CLASP2: variants seen among roughly 807,000 people sequenced by gnomAD.
CLASP2 encodes cytoplasmic linker associated protein 2.
A neutral mutation model predicts 194.4 loss-of-function variants in CLASP2; 47 were observed. The observed-to-expected ratio is 0.24, with a 90% CI of 0.19 to 0.31. CLASP2 has a LOEUF of 0.31. Among genes scored for constraint, CLASP2 ranks in the 10% least tolerant of loss-of-function variants. CLASP2 has a pLI of 1.00. For synonymous variants in CLASP2, 619 were observed against 633.5 expected, an observed-to-expected ratio of 0.98 and a Z score of 0.34; for missense variants, 1,445 against 1,823.6, an observed-to-expected ratio of 0.79 and a Z score of 3.78.
At chr3:33,600,834 A>C (rs1238736592) in intron 18 of CLASP2, among the ~76,000 whole-genome samples, 3 of 152,094 alleles carry the variant, frequency 2.0e-5, no homozygotes, top group African/African-American at 7.2e-5. Context: ...AAACATAATT[A>C]TGTAAACATT....
intron 34 of CLASP2, among the ~76,000 whole-genome samples, chr3:33,528,621 G>C (rs903546186): frequency 1.3e-5 from 2 of 152,110 alleles, no homozygotes; most frequent in African/African-American, 2.4e-5. Flanking sequence ...AATCAGCCTG[G>C]AGTGGTGGTG....
intron 7 of CLASP2, among the ~76,000 whole-genome samples, chr3:33,656,395 C>T (rs1056042240): frequency 2.6e-5 from 4 of 152,126 alleles, no homozygotes; most frequent in African/African-American, 9.7e-5. Flanking sequence ...TAACCAAACA[C>T]ATGAAGGTGA....
chr3:33,689,453 T>C (rs2091092022), intron 3 of CLASP2, among the ~76,000 whole-genome samples: 1 of 152,102 alleles, frequency 6.6e-6, no homozygotes, highest in Admixed American at 6.5e-5. Flanking sequence ...GAAAAAATTT[T>C]CTTCTGCTCT....
At position 33,498,704 on chromosome 3, in the gene CLASP2, T is replaced by C; in HGVS notation, c.4448A>G (p.Asn1483Ser). Residue 1483 changes from asparagine (N) to serine (S), a missense_variant, in exon 39 of 39, where the codon AAT becomes AGT. Physicochemically the swap from Asn to Ser is conservative, Grantham distance 46. Transcript: ENST00000682230. Reference sequence around the variant, plus strand: ...TGTTTGTGCACGTTTGATGTAAAGATTCAGTAGCTTCATCTGCAGATTCAA... The same window carrying C: ...TGTTTGTGCACGTTTGATGTAAAGACTCAGTAGCTTCATCTGCAGATTCAA... ...QLTGSKMKLL[N>S]LYIKRAQTGS... 1 of 1,612,440 alleles carries C rather than the reference T, an allele frequency of 6.2e-7. No individual in the cohort carries two copies. The highest frequency in any genetic ancestry group is 8.5e-7 in the Non-Finnish European group (1 of 1,178,714).
intron 34 of CLASP2, among the ~76,000 whole-genome samples, chr3:33,532,639 T>A (rs754563862): frequency 1.3e-5 from 2 of 152,192 alleles, no homozygotes; most frequent in East Asian, 3.8e-4. Context: ...CCAATGATAA[T>A]TTCCTGATTT....
intron 24 of CLASP2, among the ~76,000 whole-genome samples, chr3:33,573,808 T>C (rs1405918324): frequency 6.6e-6 from 1 of 152,184 alleles, no homozygotes; most frequent in Non-Finnish European, 1.5e-5. Flanking sequence ...TCTGTCTATC[T>C]TTTCTTTATT....
chr3:33,541,021 C>A (rs2058263672), intron 32 of CLASP2, among the ~76,000 whole-genome samples: 1 of 152,130 alleles, frequency 6.6e-6, no homozygotes, highest in Non-Finnish European at 1.5e-5. Context: ...GATCTGCCCA[C>A]CTCTGCCTCC....
At chr3:33,700,547 TA>T in intron 1 of CLASP2, among the ~76,000 whole-genome samples, 1 of 152,000 alleles carries the variant, frequency 6.6e-6, no homozygotes, top group African/African-American at 2.4e-5. Flanking sequence ...AAGGTCACTA[TA>T]AAAAAATCAA....
In CLASP2 at chr3:33,718,193, GCGCCCCCCGATCCCCAGCC is replaced by G. The variant is rs1467103100; in HGVS notation, c.-210_-192del. ...GCCGCCCCCAAACTAGTCAAACTCG[GCGCCCCCCGATCCCCAGCC>G]CGCTTCAGAGGCCGCGGCCGCGGGC... is the stretch of plus-strand genomic sequence containing the variant. On this transcript the variant is annotated 5_prime_UTR_variant, in exon 1 of 39. Coordinates refer to ENST00000682230, the MANE Select transcript of CLASP2 (RefSeq NM_001365631.1). 3 of 401,886 alleles carry G rather than the reference GCGCCCCCCGATCCCCAGCC, an allele frequency of 7.5e-6. No homozygotes were observed. The highest frequency in any genetic ancestry group is 8.7e-6 in the Non-Finnish European group (2 of 230,838). The allele number at this position is 401,886 out of a possible 1,614,324, so 24.9% of individuals were successfully genotyped here. A position where few individuals can be genotyped will look rare whatever the true frequency, so the allele number is the denominator to read the frequency against.
At chr3:33,512,016 A>G (rs1575679413) in intron 36 of CLASP2, among the ~76,000 whole-genome samples, 1 of 24,178 alleles carries the variant, frequency 4.1e-5, no homozygotes, top group East Asian at 1.1e-3. Flanking sequence ...TCAGGGATCT[A>G]GAACTAGAAA....
chr3:33,602,971 T>A lies in CLASP2; in HGVS notation c.1905A>T (p.Ala635=). The change falls in exon 18 of 39, where the codon GCA becomes GCT. Residue 635 remains alanine (A), a synonymous_variant. Coordinates refer to ENST00000682230, the MANE Select transcript of CLASP2 (RefSeq NM_001365631.1). ...TCTTACCTAGTGACGCATAGGAACC[T>A]GCATTCAGGGCACCTGCACCTAAGC... The part of the protein sequence containing the change: ...SGRLGAGALN[A]GSYASLEDTS... 1 of 1,610,588 alleles carries A rather than the reference T, an allele frequency of 6.2e-7. No individual in the cohort carries two copies. The highest frequency in any genetic ancestry group is 8.5e-7 in the Non-Finnish European group (1 of 1,178,316).
intron 7 of CLASP2, among the ~76,000 whole-genome samples, chr3:33,656,271 G>A (rs1312459484): frequency 6.6e-6 from 1 of 152,088 alleles, no homozygotes; most frequent in East Asian, 1.9e-4. Context: ...ATAGATAATA[G>A]ATTAATAACT....
At chr3:33,516,867 C>A (rs1357542) in intron 35 of CLASP2, 114 bp downstream of exon 35, 380,580 of 898,710 alleles carry the variant, frequency 0.42, 82,021 homozygotes, top group Admixed American at 0.59. Flanking sequence ...ATGCAGAAAG[C>A]AGCAGCAGAA....
chr3:33,709,254 T>G (rs1052417498), intron 1 of CLASP2, among the ~76,000 whole-genome samples: 2 of 152,236 alleles, frequency 1.3e-5, no homozygotes, highest in Non-Finnish European at 2.9e-5. Context: ...TTTAAGTCTT[T>G]AATCCATTTT....
At chr3:33,509,895 A>G (rs2049279426) in intron 37 of CLASP2, among the ~76,000 whole-genome samples, 4 of 152,250 alleles carry the variant, frequency 2.6e-5, no homozygotes, top group African/African-American at 9.6e-5. Context: ...GGCAACACCC[A>G]GAAATTCTGT....
At chr3:33,507,744 A>G (rs980599053) in intron 37 of CLASP2, among the ~76,000 whole-genome samples, 3 of 152,078 alleles carry the variant, frequency 2.0e-5, no homozygotes, top group Admixed American at 6.6e-5. Flanking sequence ...TTAGCCTCCC[A>G]AAGTGTTGGG....
At chr3:33,584,518 A>G (rs2066910891) in intron 22 of CLASP2, among the ~76,000 whole-genome samples, 2 of 151,696 alleles carry the variant, frequency 1.3e-5, no homozygotes, top group Admixed American at 1.3e-4. Flanking sequence ...CACCCCCCTC[A>G]GCCTCCCAAA....
intron 23 of CLASP2, among the ~76,000 whole-genome samples, 191 bp downstream of exon 23, chr3:33,581,630 T>C (rs1484651034): frequency 1.3e-5 from 2 of 152,332 alleles, no homozygotes; most frequent in East Asian, 3.9e-4. Context: ...GACTAACATA[T>C]TCATTTCAGA....
intron 29 of CLASP2, chr3:33,554,744 T>C (rs1245608058): frequency 6.5e-6 from 1 of 153,752 alleles, no homozygotes; most frequent in Non-Finnish European, 1.5e-5. Flanking sequence ...AGCAGCTCTT[T>C]ATAAGTTTGC....
Sources: allele counts gnomAD v4.1 joint callset (sites outside exome capture counted in the v4.1 genomes callset), GRCh38; gene constraint gnomAD v4.1.1; transcripts MANE v1.5; gene names NCBI Gene and HGNC (gene_info 2026-07-23, HGNC 2026-07-21).